The following MBD3 variants were observed in gnomAD, a reference collection of about 807,000 sequenced individuals.
MBD3 encodes methyl-CpG-binding domain protein 3.
A neutral mutation model predicts 31.2 loss-of-function variants in MBD3; 13 were observed. The observed-to-expected ratio is 0.42, with a 90% CI of 0.27 to 0.66. The LOEUF (loss-of-function observed/expected upper bound fraction) is 0.66, where lower values mean the gene tolerates loss of function less well. Ranked by LOEUF, MBD3 falls within the 30% of genes least tolerant of loss-of-function variation. MBD3 has a pLI of 0.26. For missense variants in MBD3, 440 were observed against 426.5 expected, an observed-to-expected ratio of 1.03 and a Z score of -0.28; for synonymous variants, 223 against 187.4, an observed-to-expected ratio of 1.19 and a Z score of -1.55.
At chr19:1,584,262 G>A (rs2060666858) in intron 3 of MBD3, among the ~76,000 whole-genome samples, 1 of 152,112 alleles carries the variant, frequency 6.6e-6, no homozygotes, top group African/African-American at 2.4e-5. Flanking sequence ...CTGCCCCCAG[G>A]CTGGAGTGCA....
chr19:1,588,565 T>C (rs1327382985), intron 1 of MBD3, among the ~76,000 whole-genome samples: 1 of 151,782 alleles, frequency 6.6e-6, no homozygotes. Flanking sequence ...GTGGATTGCC[T>C]GAGCTCAGGA....
intron 1 of MBD3, among the ~76,000 whole-genome samples, chr19:1,589,886 G>T (rs753122702): frequency 6.6e-6 from 1 of 152,114 alleles, no homozygotes; most frequent in Admixed American, 6.6e-5. Flanking sequence ...GGGGTTAGTG[G>T]TTACCAGGGG....
chr19:1,579,070 G>A (rs893144177), intron 5 of MBD3, among the ~76,000 whole-genome samples: 2 of 150,850 alleles, frequency 1.3e-5, no homozygotes, highest in Non-Finnish European at 2.9e-5. Context: ...TGTAGTCCCA[G>A]CTACTTGGGA....
rs1236113130 is a variant in MBD3, at chr19:1,576,745, G to T, written c.*1419C>A. ...CCACGCCCACGGCTCCCTCCACCAGGCAGACAGAGGGGAGGCCACCCCACT... is the reference window on the plus strand; with the variant it reads ...CCACGCCCACGGCTCCCTCCACCAGTCAGACAGAGGGGAGGCCACCCCACT... On this transcript the variant is annotated 3_prime_UTR_variant, in exon 7 of 7. Coordinates refer to ENST00000434436, the MANE Select transcript of MBD3 (RefSeq NM_001281453.2). 1 of 152,342 alleles carries T rather than the reference G, an allele frequency of 6.6e-6. No individual in the cohort carries two copies. The highest frequency in any genetic ancestry group is 2.4e-5 in the African/African-American group (1 of 41,452). 9.4% of individuals were successfully genotyped at this position (152,342 alleles called of 1,614,324 possible).
intron 2 of MBD3, 165 bp downstream of exon 2, chr19:1,584,883 ATGCGCCT>A: frequency 9.1e-7 from 1 of 1,103,728 alleles, no homozygotes; most frequent in East Asian, 2.8e-5. Context: ...CGTCCTCGCC[ATGCGCCT>A]TGCGCTCTGC....
intron 1 of MBD3, among the ~76,000 whole-genome samples, chr19:1,588,588 C>G (rs765094765): frequency 6.6e-6 from 1 of 151,880 alleles, no homozygotes; most frequent in Non-Finnish European, 1.5e-5. Context: ...TCGAGACCAG[C>G]CTGGGCAACA....
intron 3 of MBD3, among the ~76,000 whole-genome samples, chr19:1,583,030 C>T (rs548725362): frequency 3.3e-5 from 5 of 151,964 alleles, no homozygotes; most frequent in East Asian, 3.9e-4. Flanking sequence ...ATGGTGAAAC[C>T]CCTTATCTAC....
Position 1,577,947 on chromosome 19 carries a change from ACGAGCGTGGAGGGT to A in MBD3, c.*203_*216del, listed in dbSNP as rs1917245316. 3.0e-6 allele frequency: 1 copy of A among 335,560 alleles called. No individual in the cohort carries two copies. The highest frequency in any genetic ancestry group is 5.7e-6 in the Non-Finnish European group (1 of 176,344). The allele number at this position is 335,560 out of a possible 1,614,324, so 20.8% of individuals were successfully genotyped here. A position where few individuals can be genotyped will look rare whatever the true frequency, so the allele number is the denominator to read the frequency against. The stretch of plus-strand genomic sequence containing the variant: ...TTCCCGAAGCCGGACTCTGTAGAGG[ACGAGCGTGGAGGGT>A]CTTTCGGGTGGGGGCAGCCCCAGCT... On this transcript the variant is annotated 3_prime_UTR_variant, in exon 7 of 7. Transcript: ENST00000434436.
chr19:1,585,332 AC>A lies in MBD3; in HGVS notation c.111-119del. On this transcript the variant is annotated intron_variant, in intron 1 of 6. Transcript: ENST00000434436. This position sits in a 1 kb window ranked among gnomAD's most constrained non-coding sequence, Gnocchi z 4.1. Reference sequence around the variant, plus strand: ...CTTCAGGTCGCGACCCCAGCCCCAGACCCCAACACGGCCCTGACCCCAAACC... The same window carrying A: ...CTTCAGGTCGCGACCCCAGCCCCAGACCCAACACGGCCCTGACCCCAAACC... 1 of 1,171,930 alleles carries A rather than the reference AC, an allele frequency of 8.5e-7. No individual in the cohort carries two copies. Among genetic ancestry groups the A allele is most frequent in the Non-Finnish European group, 1.2e-6 (1 of 839,042 alleles). 72.6% of individuals were successfully genotyped at this position (1,171,930 alleles called of 1,614,324 possible).
At position 1,578,584 on chromosome 19, in the gene MBD3, AGGACAT is replaced by A. The variant is rs747173139; in HGVS notation, c.678-52_678-47del. ...CGTTACACCAAGGTGAGCGGCCAGC[AGGACAT>A]GGACACAGGATGAACGTGGGGACCT... is the stretch of plus-strand genomic sequence containing the variant. On this transcript the variant is annotated intron_variant, in intron 5 of 6. Coordinates refer to ENST00000434436, the MANE Select transcript of MBD3 (RefSeq NM_001281453.2). This position sits in a 1 kb window ranked among gnomAD's most constrained non-coding sequence, Gnocchi z 6.1. 3.7e-6 allele frequency: 6 copies of A among 1,607,782 alleles called. No individual in the cohort carries two copies. Among genetic ancestry groups the A allele is most frequent in the Middle Eastern group, 3.4e-4 (2 of 5,954 alleles).
intron 1 of MBD3, among the ~76,000 whole-genome samples, chr19:1,590,945 C>T (rs912696657): frequency 6.6e-6 from 1 of 152,222 alleles, no homozygotes; most frequent in Non-Finnish European, 1.5e-5. Flanking sequence ...GAGCTTCTCC[C>T]TGCTTTTCTC....
chr19:1,586,572 A>T (rs1365235040), intron 1 of MBD3, among the ~76,000 whole-genome samples: 1 of 152,024 alleles, frequency 6.6e-6, no homozygotes, highest in African/African-American at 2.4e-5. Flanking sequence ...GCAATGGCTC[A>T]ATCACAGCTC....
rs1160210513 is a variant in MBD3, at chr19:1,574,604, CACTTG to C, written c.*3555_*3559del. 1 of 152,796 alleles carries C rather than the reference CACTTG, an allele frequency of 6.5e-6. No homozygotes were observed. The highest frequency in any genetic ancestry group is 1.5e-5 in the Non-Finnish European group (1 of 68,458). The allele number at this position is 152,796 out of a possible 1,614,324, so 9.5% of individuals were successfully genotyped here. A position where few individuals can be genotyped will look rare whatever the true frequency, so the allele number is the denominator to read the frequency against. On this transcript the variant is annotated 3_prime_UTR_variant, in exon 7 of 7. Coordinates refer to ENST00000434436, the MANE Select transcript of MBD3 (RefSeq NM_001281453.2). ...CTGTGTTCGTTCATCCCTGGATGGG[CACTTG>C]ACTTGTTTACACTTTTTGGACCCCT...
At chr19:1,586,901 A>C (rs181719313) in intron 1 of MBD3, among the ~76,000 whole-genome samples, 19 of 151,556 alleles carry the variant, frequency 1.3e-4, no homozygotes, top group Admixed American at 1.2e-3. Context: ...TCCTGACCTC[A>C]GGTGATCTGT....
chr19:1,590,783 A>T (rs1469460110), intron 1 of MBD3, among the ~76,000 whole-genome samples: 1 of 152,124 alleles, frequency 6.6e-6, no homozygotes, highest in African/African-American at 2.4e-5. Context: ...CATGGCCTGA[A>T]CTCTCCCCAG....
At position 1,577,147 on chromosome 19, in the gene MBD3, T is replaced by C. The variant is rs1221908630; in HGVS notation, c.*1017A>G. On this transcript the variant is annotated 3_prime_UTR_variant, in exon 7 of 7. Transcript: ENST00000434436. ...GGGCCCAGGCCAATGAACCCACCCGTAGGAGCCCTCACTGGGCAGCAGGGC... is the reference window on the plus strand; with the variant it reads ...GGGCCCAGGCCAATGAACCCACCCGCAGGAGCCCTCACTGGGCAGCAGGGC... 6.6e-6 allele frequency: 1 copy of C among 152,462 alleles called. No individual in the cohort carries two copies. The highest frequency in any genetic ancestry group is 1.5e-5 in the Non-Finnish European group (1 of 68,242). The allele number at this position is 152,462 out of a possible 1,614,324, so 9.4% of individuals were successfully genotyped here. A position where few individuals can be genotyped will look rare whatever the true frequency, so the allele number is the denominator to read the frequency against.
intron 1 of MBD3, among the ~76,000 whole-genome samples, chr19:1,588,802 G>C (rs866830739): frequency 1.6e-5 from 2 of 121,852 alleles, no homozygotes; most frequent in Admixed American, 8.1e-5. Flanking sequence ...AAAAAAAAAA[G>C]GTGTAAGGCG....
At chr19:1,583,557 A>G (rs901032215) in intron 3 of MBD3, among the ~76,000 whole-genome samples, 11 of 152,042 alleles carry the variant, frequency 7.2e-5, no homozygotes, top group Non-Finnish European at 1.2e-4. Context: ...GGGAAAAAAA[A>G]TAAATAAATA....
chr19:1,588,770 CTG>C (rs1295132107), intron 1 of MBD3, among the ~76,000 whole-genome samples: 59 of 121,402 alleles, frequency 4.9e-4, no homozygotes, highest in Middle Eastern at 5.7e-3. Context: ...CAGAGCAAGA[CTG>C]TGTCTCCAAA....
Sources: allele counts gnomAD v4.1 joint callset (sites outside exome capture counted in the v4.1 genomes callset), GRCh38; gene constraint gnomAD v4.1.1; non-coding constraint Gnocchi (gnomAD v3.1); transcripts MANE v1.5; gene names NCBI Gene and HGNC (gene_info 2026-07-23, HGNC 2026-07-21).